Variants in PRKG1 observed in about 807,000 individuals in gnomAD.
PRKG1 encodes cGMP-dependent protein kinase 1.
In PRKG1, 35 loss-of-function variants were observed where a neutral mutation model predicts 88.1. The observed-to-expected ratio is 0.40, with a 90% CI of 0.30 to 0.53. The LOEUF (loss-of-function observed/expected upper bound fraction) is 0.53, where lower values mean the gene tolerates loss of function less well. Among genes scored for constraint, PRKG1 ranks in the 20% least tolerant of loss-of-function variants. The pLI is 0.59. For missense variants in PRKG1, 540 were observed against 839.8 expected, an observed-to-expected ratio of 0.64 and a Z score of 4.41; for synonymous variants, 303 against 292.5, an observed-to-expected ratio of 1.04 and a Z score of -0.37.
At chr10:52,077,523 A>T (rs1286591541) in intron 7 of PRKG1, among the ~76,000 whole-genome samples, 1 of 152,212 alleles carries the variant, frequency 6.6e-6, no homozygotes, top group Non-Finnish European at 1.5e-5. Flanking sequence ...TATATTGATC[A>T]TGGTGACAGT....
chr10:51,275,127 G>A (rs1840080079), intron 2 of PRKG1, among the ~76,000 whole-genome samples: 1 of 152,212 alleles, frequency 6.6e-6, no homozygotes. Flanking sequence ...AGAGTGGAAA[G>A]GGTAAAGTAT....
chr10:51,438,945 A>G (rs772306447), intron 2 of PRKG1, among the ~76,000 whole-genome samples: 20 of 151,834 alleles, frequency 1.3e-4, no homozygotes, highest in Non-Finnish European at 2.7e-4. Context: ...GCAGTAAAGG[A>G]CAAATCTGAT....
chr10:52,043,751 G>T (rs936595992), intron 5 of PRKG1, among the ~76,000 whole-genome samples: 3 of 151,260 alleles, frequency 2.0e-5, no homozygotes, highest in Admixed American at 6.6e-5. Context: ...ACCCTGATTT[G>T]AACATTACAC....
chr10:51,537,667 G>A (rs1237855254), intron 3 of PRKG1, among the ~76,000 whole-genome samples: 1 of 147,372 alleles, frequency 6.8e-6, no homozygotes, highest in Non-Finnish European at 1.5e-5. Context: ...GGCAGAGGTT[G>A]CAGTGAGCCA....
chr10:51,728,396 G>A (rs1045911755), intron 3 of PRKG1, among the ~76,000 whole-genome samples: 2 of 147,862 alleles, frequency 1.4e-5, no homozygotes, highest in African/African-American at 2.5e-5. Flanking sequence ...TTTGAAATTA[G>A]CATCTTTAAA....
At chr10:51,022,207 C>T (rs751544110) in intron 1 of PRKG1, among the ~76,000 whole-genome samples, 18 of 152,120 alleles carry the variant, frequency 1.2e-4, no homozygotes, top group Non-Finnish European at 2.6e-4. Flanking sequence ...TGTCAGTAAT[C>T]AGACTGTGTT....
intron 2 of PRKG1, among the ~76,000 whole-genome samples, chr10:51,286,616 C>T (rs77464208): frequency 0.063 from 9,638 of 152,110 alleles, 1,004 homozygotes; most frequent in African/African-American, 0.22. Context: ...TATAATTGTA[C>T]TTATTTATGA....
At chr10:51,923,302 T>C (rs1373500400) in intron 5 of PRKG1, among the ~76,000 whole-genome samples, 1 of 151,882 alleles carries the variant, frequency 6.6e-6, no homozygotes, top group Non-Finnish European at 1.5e-5. Context: ...TTAAAGTGGG[T>C]TTTTAAAGAT....
chr10:52,233,579 C>T (rs1160096349), intron 9 of PRKG1, among the ~76,000 whole-genome samples: 6 of 147,778 alleles, frequency 4.1e-5, no homozygotes, highest in Admixed American at 6.8e-5. Flanking sequence ...TCGGGTCACT[C>T]CCACCCGAAT....
intron 2 of PRKG1, among the ~76,000 whole-genome samples, chr10:51,297,987 G>A (rs1840766943): frequency 6.6e-6 from 1 of 152,042 alleles, no homozygotes; most frequent in African/African-American, 2.4e-5. Context: ...ATAAAGAGAT[G>A]TATGTAAAGG....
chr10:51,163,859 G>T (rs908348577), intron 2 of PRKG1, among the ~76,000 whole-genome samples: 1 of 152,236 alleles, frequency 6.6e-6, no homozygotes, highest in African/African-American at 2.4e-5. Flanking sequence ...GCCTGCCATT[G>T]CCCAGGCTCG....
intron 4 of PRKG1, among the ~76,000 whole-genome samples, chr10:51,879,561 C>T (rs7914384): frequency 0.18 from 28,126 of 152,186 alleles, 3,105 homozygotes; most frequent in East Asian, 0.48. Context: ...CTTTTTTACT[C>T]AAGTTCTGTA....
chr10:51,523,756 T>C (rs1446449829), intron 3 of PRKG1, among the ~76,000 whole-genome samples: 1 of 152,240 alleles, frequency 6.6e-6, no homozygotes, highest in Admixed American at 6.5e-5. Context: ...TGCATGTTAT[T>C]AGCTCAAAGC....
chr10:51,871,234 T>A (rs1174360768), intron 4 of PRKG1, among the ~76,000 whole-genome samples: 1 of 152,226 alleles, frequency 6.6e-6, no homozygotes, highest in Admixed American at 6.5e-5. Context: ...ATGGCTATGG[T>A]AGAATGGTAG....
chr10:51,021,660 TA>T (rs1843138686), intron 1 of PRKG1, among the ~76,000 whole-genome samples: 1 of 152,138 alleles, frequency 6.6e-6, no homozygotes, highest in Non-Finnish European at 1.5e-5. Flanking sequence ...CAACTAAAAA[TA>T]AAAAGCCTAG....
intron 3 of PRKG1, among the ~76,000 whole-genome samples, chr10:51,670,744 ATAAATAAAT>A (rs1168888399): frequency 4.1e-4 from 52 of 125,722 alleles, no homozygotes; most frequent in African/African-American, 1.4e-3. Flanking sequence ...TCAAAAAAAA[ATAAATAAAT>A]AAATAAATAA....
intron 1 of PRKG1, among the ~76,000 whole-genome samples, chr10:51,002,556 C>T (rs551362192): frequency 6.6e-6 from 1 of 152,294 alleles, no homozygotes; most frequent in Admixed American, 6.5e-5. Flanking sequence ...TTATACCACA[C>T]AGGGTTACAT....
At chr10:51,917,539 CT>C (rs1842369403) in intron 5 of PRKG1, among the ~76,000 whole-genome samples, 1 of 152,028 alleles carries the variant, frequency 6.6e-6, no homozygotes, top group Non-Finnish European at 1.5e-5. Context: ...AACTTTTGGG[CT>C]TATAAGAAGA....
chr10:52,089,777 A>G (rs544707861), intron 7 of PRKG1, among the ~76,000 whole-genome samples: 1 of 135,176 alleles, frequency 7.4e-6, no homozygotes, highest in East Asian at 2.4e-4. Flanking sequence ...CAACACATCT[A>G]GGGCTTAGAT....
Sources: allele counts gnomAD v4.1 joint callset (sites outside exome capture counted in the v4.1 genomes callset), GRCh38; gene constraint gnomAD v4.1.1; transcripts MANE v1.5; gene names NCBI Gene and HGNC (gene_info 2026-07-23, HGNC 2026-07-21).